Variants in FBXO46 observed in about 807,000 individuals in gnomAD.
FBXO46 encodes F-box protein 46.
A neutral mutation model predicts 30.7 loss-of-function variants in FBXO46; 13 were observed. The observed-to-expected ratio is 0.42, with a 90% CI of 0.28 to 0.67. The LOEUF (loss-of-function observed/expected upper bound fraction) is 0.67. Among genes scored for constraint, FBXO46 ranks in the 30% least tolerant of loss-of-function variants. The pLI is 0.21. For missense variants in FBXO46, 754 were observed against 871.5 expected (o/e 0.87, Z 1.70); for synonymous variants, 467 against 385.8 (o/e 1.21, Z -2.47).
At chr19:45,723,255 TC>T (rs1968197202) in intron 1 of FBXO46, among the ~76,000 whole-genome samples, 1 of 151,890 alleles carries the variant, frequency 6.6e-6, no homozygotes, top group South Asian at 2.1e-4. Flanking sequence ...AGCCTGTAGT[TC>T]CAGCTACTCG....
intron 1 of FBXO46, among the ~76,000 whole-genome samples, chr19:45,721,829 G>T (rs527603015): frequency 1.3e-5 from 2 of 150,442 alleles, no homozygotes; most frequent in Non-Finnish European, 2.9e-5. Context: ...CACCACGCCC[G>T]GCACCACCCC....
chr19:45,724,504 A>C (rs2146159611), intron 1 of FBXO46, among the ~76,000 whole-genome samples: 1 of 152,280 alleles, frequency 6.6e-6, no homozygotes, highest in African/African-American at 2.4e-5. Context: ...GGCACATGGT[A>C]AGTGCTCTAT....
At chr19:45,726,539 T>C (rs985333457) in intron 1 of FBXO46, among the ~76,000 whole-genome samples, 5 of 152,040 alleles carry the variant, frequency 3.3e-5, no homozygotes, top group African/African-American at 1.2e-4. Context: ...TCCCAGCTAC[T>C]TGGGAGGCTG....
chr19:45,718,289 A>G (rs1217145872), intron 1 of FBXO46, among the ~76,000 whole-genome samples: 5 of 152,228 alleles, frequency 3.3e-5, no homozygotes, highest in African/African-American at 1.2e-4. Context: ...CCTGACCACA[A>G]GGTCACACAG....
Position 45,712,354 on chromosome 19 carries a change from C to A in FBXO46, c.1142G>T (p.Gly381Val). The A allele has an allele frequency of 6.2e-7, 1 of 1,602,226 alleles. No homozygotes were observed. The highest frequency in any genetic ancestry group is 8.5e-7 in the Non-Finnish European group (1 of 1,179,644). ...CTTCACGTTCTTGGTGCCGTCCTTGCCAAAGAAGATGCACTCATCTACCAC... is the reference window on the plus strand; with the variant it reads ...CTTCACGTTCTTGGTGCCGTCCTTGACAAAGAAGATGCACTCATCTACCAC... Reference protein sequence around the residue: ...TGVVDECIFFGKDGTKNVKEE... With the variant: ...TGVVDECIFFVKDGTKNVKEE... The change falls in exon 2 of 2, where the codon GGC (glycine) becomes GTC (valine). Residue 381 changes from glycine (G) to valine (V), a missense_variant. By Grantham distance (109) the Gly-to-Val change is moderately radical. Transcript: ENST00000317683. The surrounding 1 kb of genome is among the most constrained non-coding windows in gnomAD (Gnocchi z 8.8).
intron 1 of FBXO46, chr19:45,716,254 G>A (rs1346725385): frequency 6.6e-6 from 1 of 152,008 alleles, no homozygotes; most frequent in Non-Finnish European, 1.5e-5. Flanking sequence ...CAAGATTTTC[G>A]GGTAAGGGAT....
Position 45,713,762 on chromosome 19 carries a change from G to A in FBXO46, c.-78-189C>T, listed in dbSNP as rs1328133409. Among the ~76,000 whole-genome samples, 1 of 152,102 alleles carries A rather than the reference G, an allele frequency of 6.6e-6. No homozygotes were observed. Among genetic ancestry groups the A allele is most frequent in the East Asian group, 1.9e-4 (1 of 5,186 alleles). On this transcript the variant is annotated intron_variant, in intron 1 of 1. Transcript: ENST00000317683. The surrounding 1 kb of genome is among the most constrained non-coding windows in gnomAD (Gnocchi z 4.7). ...GTGGGCAGATCACCTGAGGTCAGGA[G>A]TTTGAGACCAGCCTGGCCAACATGG...
At chr19:45,719,721 T>C (rs955451788) in intron 1 of FBXO46, among the ~76,000 whole-genome samples, 4 of 152,160 alleles carry the variant, frequency 2.6e-5, no homozygotes, top group African/African-American at 4.8e-5. Context: ...ATGCTGGCCA[T>C]TGTTGGGCGC....
intron 1 of FBXO46, among the ~76,000 whole-genome samples, chr19:45,721,574 AC>A (rs1968171999): frequency 1.6e-5 from 1 of 60,662 alleles, no homozygotes; most frequent in Non-Finnish European, 3.2e-5. Context: ...TTTTTTTTTG[AC>A]AGGGTCTTGT....
At position 45,713,873 on chromosome 19, in the gene FBXO46, C is replaced by T. The variant is rs1482365802; in HGVS notation, c.-78-300G>A. ...ATCCAAGCTACTTGGGAGGCTGAGG[C>T]ACGAGAATCGCTTGAACCTGGGAGG... is the stretch of plus-strand genomic sequence containing the variant. On this transcript the variant is annotated intron_variant, in intron 1 of 1. Transcript: ENST00000317683. This position sits in a 1 kb window ranked among gnomAD's most constrained non-coding sequence, Gnocchi z 4.7. 2.0e-5 allele frequency among the ~76,000 whole-genome samples: 3 copies of T among 148,902 alleles called. No individual in the cohort carries two copies. Among genetic ancestry groups the T allele is most frequent in the South Asian group, 4.2e-4 (2 of 4,770 alleles).
rs1473453415 is a variant in FBXO46 at position 45,730,878 on chromosome 19, A to T, written c.-108T>A. 6.6e-6 allele frequency: 1 copy of T among 152,158 alleles called. No homozygotes were observed. Among genetic ancestry groups the T allele is most frequent in the South Asian group, 2.1e-4 (1 of 4,826 alleles). 9.4% of individuals were successfully genotyped at this position (152,158 alleles called of 1,614,324 possible). A position where few individuals can be genotyped will look rare whatever the true frequency, so the allele number is the denominator to read the frequency against. ...GCCGCGCGCTGCATCTCCCTCGGCTACGCGGGTTTCCCCCACTCGCTCCTC... is the reference window on the plus strand; with the variant it reads ...GCCGCGCGCTGCATCTCCCTCGGCTTCGCGGGTTTCCCCCACTCGCTCCTC... On this transcript the variant is annotated 5_prime_UTR_variant, in exon 1 of 2. Coordinates refer to ENST00000317683, the MANE Select transcript of FBXO46 (RefSeq NM_001080469.2).
At chr19:45,732,532 C>CAAAA (rs36071960), upstream of FBXO46, among the ~76,000 whole-genome samples, 579 of 65,626 alleles carry the variant, frequency 8.8e-3, 17 homozygotes, top group African/African-American at 0.032. Flanking sequence ...TCGTCTCTAC[C>CAAAA]AAAAAAAAAA....
rs144793265 is a variant in FBXO46, at chr19:45,721,701, C to T, written c.-78-8128G>A. On this transcript the variant is annotated intron_variant, in intron 1 of 1. Coordinates refer to ENST00000317683, the MANE Select transcript of FBXO46 (RefSeq NM_001080469.2). ...CCAAGTAGCTGGGACTACAGGCGCCCGCCACCACACCCGGCTAATTATTTA... is the reference window on the plus strand; with the variant it reads ...CCAAGTAGCTGGGACTACAGGCGCCTGCCACCACACCCGGCTAATTATTTA... Among the ~76,000 whole-genome samples, 898 of 151,598 alleles carry T rather than the reference C, an allele frequency of 5.9e-3. 6 individuals are homozygous for T. Among genetic ancestry groups the T allele is most frequent in the African/African-American group, 0.02 (841 of 41,314 alleles).
At chr19:45,725,675 A>T (rs1193609390) in intron 1 of FBXO46, among the ~76,000 whole-genome samples, 2 of 152,122 alleles carry the variant, frequency 1.3e-5, no homozygotes. Context: ...TAGAGGTTGC[A>T]GGGAGCCGAG....
At chr19:45,718,265 C>T (rs113274296) in intron 1 of FBXO46, among the ~76,000 whole-genome samples, 78 of 152,308 alleles carry the variant, frequency 5.1e-4, no homozygotes, top group African/African-American at 1.8e-3. Context: ...AAGAAACTGA[C>T]GCAGGGCAGG....
chr19:45,724,191 A>G (rs1439085629), intron 1 of FBXO46, among the ~76,000 whole-genome samples: 1 of 152,156 alleles, frequency 6.6e-6, no homozygotes, highest in East Asian at 1.9e-4. Context: ...AAAGTGTCAG[A>G]TCACCCCAGG....
intron 1 of FBXO46, among the ~76,000 whole-genome samples, chr19:45,719,667 G>A (rs1968144682): frequency 1.3e-5 from 2 of 152,172 alleles, no homozygotes. Context: ...TACATACATG[G>A]TGCATTTGCA....
chr19:45,713,273 C>T lies in FBXO46; in HGVS notation c.223G>A (p.Ala75Thr). The change falls in exon 2 of 2, where the codon GCA becomes ACA. Residue 75 changes from alanine (A) to threonine (T), a missense_variant. Ala to Thr is a moderately conservative substitution (Grantham distance 58). This residue lies in a region of FBXO46 where 97 missense variants were observed against 113.0 expected (regional missense o/e 0.86). Coordinates refer to ENST00000317683, the MANE Select transcript of FBXO46 (RefSeq NM_001080469.2). The surrounding 1 kb of genome is among the most constrained non-coding windows in gnomAD (Gnocchi z 4.7). ...PASQPAPLLS[A>T]AAAGDEGRVL... Reference sequence around the variant, plus strand: ...CGACCCTCATCACCAGCAGCTGCTGCTGAGAGGAGCGGAGCCGGCTGGGAG... The same window carrying T: ...CGACCCTCATCACCAGCAGCTGCTGTTGAGAGGAGCGGAGCCGGCTGGGAG... The T allele has an allele frequency of 6.2e-7, 1 of 1,613,902 alleles. No homozygotes were observed. The highest frequency in any genetic ancestry group is 1.1e-5 in the South Asian group (1 of 91,074).
At position 45,713,743 on chromosome 19, in the gene FBXO46, A is replaced by T. The variant is rs569674063; in HGVS notation, c.-78-170T>A. On this transcript the variant is annotated intron_variant, in intron 1 of 1. Coordinates refer to ENST00000317683, the MANE Select transcript of FBXO46 (RefSeq NM_001080469.2). This position sits in a 1 kb window ranked among gnomAD's most constrained non-coding sequence, Gnocchi z 4.7. ...AGCACTTTGGGAGGCTGAGGTGGGC[A>T]GATCACCTGAGGTCAGGAGTTTGAG... Among the ~76,000 whole-genome samples the T allele has an allele frequency of 6.6e-6, 1 of 152,010 alleles. No individual in the cohort carries two copies. The highest frequency in any genetic ancestry group is 1.5e-5 in the Non-Finnish European group (1 of 67,998).
Sources: gnomAD v4.1 joint callset for allele counts (sites outside exome capture counted in the v4.1 genomes callset) on GRCh38, gnomAD v4.1.1 for gene constraint, gnomAD v4.1.1 regional missense constraint, Gnocchi (gnomAD v3.1) non-coding constraint, MANE v1.5 for transcripts, NCBI Gene and HGNC (gene_info 2026-07-23, HGNC 2026-07-21) for gene names.